CALCR: variants seen among roughly 807,000 people sequenced by gnomAD.
CALCR encodes the protein calcitonin receptor.
In CALCR, 47 loss-of-function variants were observed where a neutral mutation model predicts 59.5. That is an observed-to-expected ratio of 0.79 (90% confidence interval 0.63 to 1.01). The LOEUF (loss-of-function observed/expected upper bound fraction) is 1.01. Among genes scored for constraint, CALCR ranks in the 50% least tolerant of loss-of-function variants. The pLI, the probability that CALCR is intolerant of heterozygous loss-of-function variation, is 0.00. For synonymous variants in CALCR, 213 were observed against 211.3 expected (o/e 1.01, Z -0.07); for missense variants, 566 against 597.1 (o/e 0.95, Z 0.54).
chr7:93,561,543 G>C (rs1377495924), intron 2 of CALCR, among the ~76,000 whole-genome samples: 1 of 151,930 alleles, frequency 6.6e-6, no homozygotes, highest in East Asian at 1.9e-4. Context: ...TTAATTAAAA[G>C]AGTTTAAAAA....
intron 2 of CALCR, among the ~76,000 whole-genome samples, chr7:93,542,675 C>CA (rs1338947290): frequency 6.6e-6 from 1 of 151,548 alleles, no homozygotes; most frequent in Non-Finnish European, 1.5e-5. Context: ...GCTTAAAACA[C>CA]AAATTGTACA....
intron 8 of CALCR, among the ~76,000 whole-genome samples, chr7:93,451,069 T>A (rs1322033909): frequency 6.6e-6 from 1 of 151,948 alleles, no homozygotes; most frequent in East Asian, 1.9e-4. Flanking sequence ...GATTTGTAGT[T>A]TATGTTAATG....
At chr7:93,566,617 G>A (rs1297429236) in intron 2 of CALCR, among the ~76,000 whole-genome samples, 2 of 152,134 alleles carry the variant, frequency 1.3e-5, no homozygotes, top group Non-Finnish European at 2.9e-5. Flanking sequence ...TTGAGTTCCA[G>A]CTCTGCCACT....
intron 8 of CALCR, among the ~76,000 whole-genome samples, chr7:93,457,993 T>A (rs1414163207): frequency 2.0e-5 from 3 of 152,130 alleles, no homozygotes; most frequent in Non-Finnish European, 4.4e-5. Context: ...TTCCCCAGCT[T>A]TAAAAATGGG....
At chr7:93,457,512 AG>A (rs1225760525) in intron 8 of CALCR, among the ~76,000 whole-genome samples, 4 of 152,176 alleles carry the variant, frequency 2.6e-5, no homozygotes, top group Non-Finnish European at 4.4e-5. Context: ...TCCCAAAAAA[AG>A]AAGAGAAAGA....
chr7:93,431,520 C>T (rs909923451), intron 13 of CALCR, among the ~76,000 whole-genome samples: 2 of 152,132 alleles, frequency 1.3e-5, no homozygotes, highest in African/African-American at 4.8e-5. Context: ...AAAGACTTCT[C>T]GAGGGCTTAG....
chr7:93,447,885 G>A (rs1005931458), intron 8 of CALCR, among the ~76,000 whole-genome samples: 1 of 151,962 alleles, frequency 6.6e-6, no homozygotes, highest in African/African-American at 2.4e-5. Context: ...TGAAACCATA[G>A]AGTAGGAAAA....
chr7:93,531,036 T>A (rs1227990497), intron 2 of CALCR, among the ~76,000 whole-genome samples: 4 of 152,134 alleles, frequency 2.6e-5, no homozygotes, highest in Non-Finnish European at 5.9e-5. Context: ...ATCTTTGCTA[T>A]AAGTTATTTG....
rs1454493553 is a variant in CALCR, at chr7:93,485,477, GTTCT to G, written c.51+1450_51+1453del. Among the ~76,000 whole-genome samples the G allele has an allele frequency of 4.0e-5, 6 of 151,576 alleles. No homozygotes were observed. The East Asian group carries it at 7.8e-4, about 20-fold the overall frequency. On this transcript the variant is annotated intron_variant, in intron 3 of 13. Coordinates refer to ENST00000426151, the MANE Select transcript of CALCR (RefSeq NM_001742.4). ...CTTCAAACAATTTTGTTAGTATTTA[GTTCT>G]TTCTTTAGTTTTTCTTCTGTCATGT...
Position 93,438,199 on chromosome 7 carries a change from A to G in CALCR, c.863+11T>C. 1.2e-6 allele frequency: 2 copies of G among 1,612,536 alleles called. No individual in the cohort carries two copies. The highest frequency in any genetic ancestry group is 1.7e-6 in the Non-Finnish European group (2 of 1,178,534). On this transcript the variant is annotated intron_variant, in intron 10 of 13. Coordinates refer to ENST00000426151, the MANE Select transcript of CALCR (RefSeq NM_001742.4). ...TGAATATGTTAACTTAAACATCACCATAATACTTACTTGTCATTGAAGTAC... is the reference window on the plus strand; with the variant it reads ...TGAATATGTTAACTTAAACATCACCGTAATACTTACTTGTCATTGAAGTAC...
At position 93,443,572 on chromosome 7, in the gene CALCR, T is replaced by C. The variant is rs758844860; in HGVS notation, c.802+32A>G. On this transcript the variant is annotated intron_variant, in intron 9 of 13. Coordinates refer to ENST00000426151, the MANE Select transcript of CALCR (RefSeq NM_001742.4). ...GAAAGCATACAGACAGAGGTGAAAG[T>C]GACTCAAAACTTAGCTGCAGAAAAT... The C allele has an allele frequency of 1.2e-5, 19 of 1,603,340 alleles. No individual in the cohort carries two copies. The East Asian group carries it at 4.2e-4, about 36-fold the overall frequency.
At chr7:93,550,412 C>T (rs1345606361) in intron 2 of CALCR, among the ~76,000 whole-genome samples, 1 of 143,698 alleles carries the variant, frequency 7.0e-6, no homozygotes, top group African/African-American at 2.6e-5. Flanking sequence ...CACTTGAACC[C>T]GGGAGGCGGA....
intron 2 of CALCR, among the ~76,000 whole-genome samples, chr7:93,558,643 T>A (rs1175021290): frequency 6.6e-6 from 1 of 152,118 alleles, no homozygotes; most frequent in Non-Finnish European, 1.5e-5. Context: ...TTTTTTTTCT[T>A]ATTTACACAG....
At chr7:93,479,254 T>G in intron 4 of CALCR, 100 bp downstream of exon 4, 1 of 1,210,952 alleles carries the variant, frequency 8.3e-7, no homozygotes, top group South Asian at 1.6e-5. Flanking sequence ...TGAAAACTGC[T>G]GGCATATTAA....
intron 5 of CALCR, among the ~76,000 whole-genome samples, chr7:93,476,571 A>T (rs571899569): frequency 9.9e-5 from 15 of 151,986 alleles, no homozygotes; most frequent in African/African-American, 3.6e-4. Context: ...GGCTGAAAAG[A>T]TGGATCGATG....
intron 8 of CALCR, among the ~76,000 whole-genome samples, chr7:93,452,453 C>G (rs1229717644): frequency 6.6e-6 from 1 of 152,010 alleles, no homozygotes. Flanking sequence ...CCTGTACAGT[C>G]TTTAAAGCCA....
chr7:93,479,519 A>G lies in CALCR; in HGVS notation c.52-12T>C. On this transcript the variant is annotated splice_polypyrimidine_tract_variant and intron_variant, in intron 3 of 13. Transcript: ENST00000426151. ...ATTGGGGTTGGGTGCTGTATTAAAAAGAAAAATCAGTTACTTATAGACAGG... is the reference window on the plus strand; with the variant it reads ...ATTGGGGTTGGGTGCTGTATTAAAAGGAAAAATCAGTTACTTATAGACAGG... The G allele has an allele frequency of 3.1e-6, 5 of 1,608,370 alleles. No homozygotes were observed. The Middle Eastern group carries it at 6.7e-4, about 214-fold the overall frequency.
chr7:93,475,867 G>T (rs917451962), intron 5 of CALCR, among the ~76,000 whole-genome samples: 1 of 151,686 alleles, frequency 6.6e-6, no homozygotes, highest in Non-Finnish European at 1.5e-5. Flanking sequence ...CAGATTTTCC[G>T]CTAACAGCCT....
At chr7:93,460,569 AAAAATATATATATATATATATATG>A (rs1800300423) in intron 8 of CALCR, among the ~76,000 whole-genome samples, 1 of 86,704 alleles carries the variant, frequency 1.2e-5, no homozygotes, top group African/African-American at 5.6e-5. Flanking sequence ...AAAAAAAAAA[AAAAATATATATATATATATATATG>A]TATATATATA....
Sources: gnomAD v4.1 joint callset for allele counts (sites outside exome capture counted in the v4.1 genomes callset) on GRCh38, gnomAD v4.1.1 for gene constraint, MANE v1.5 for transcripts, NCBI Gene and HGNC (gene_info 2026-07-23, HGNC 2026-07-21) for gene names.